SLC4A1: variants seen among roughly 807,000 people sequenced by gnomAD.
The protein encoded by SLC4A1 is band 3 anion transport protein.
Under a neutral mutation model 93.1 loss-of-function variants are expected in SLC4A1, and 29 were observed. The observed-to-expected ratio is 0.31, with a 90% CI of 0.23 to 0.42. SLC4A1 has a LOEUF of 0.42. Among genes scored for constraint, SLC4A1 ranks in the 20% least tolerant of loss-of-function variants. The probability of loss-of-function intolerance (pLI) is 1.00; values close to 1 mark genes in which losing one functional copy is unlikely to be tolerated. For synonymous variants in SLC4A1, 469 were observed against 497.2 expected (o/e 0.94, Z 0.76); for missense variants, 965 against 1,190.1 (o/e 0.81, Z 2.78).
chr17:44,254,554 A>T lies in SLC4A1; in HGVS notation c.1999T>A (p.Ser667Thr), dbSNP rs763783909. 1.1e-5 allele frequency: 18 copies of T among 1,606,660 alleles called. No homozygotes were observed. The highest frequency in any genetic ancestry group is 1.7e-5 in the Admixed American group (1 of 59,736). Residue 667 changes from serine to threonine, a missense_variant, in exon 16 of 20, where the codon TCC (serine) becomes ACC (threonine). Transcript: ENST00000262418. The stretch of plus-strand genomic sequence containing the variant: ...AAGACCAGCAGAGCAGGCAGGGCGG[A>T]GGCAAACATCATCCAGATGGGAAAC... ...SEFPIWMMFA[S>T]ALPALLVFIL...
intron 15 of SLC4A1, among the ~76,000 whole-genome samples, 166 bp downstream of exon 15, chr17:44,255,041 G>A (rs1432783960): frequency 1.3e-5 from 2 of 152,126 alleles, no homozygotes; most frequent in Non-Finnish European, 2.9e-5. Context: ...GGGGTCCTCT[G>A]GGGCTGTGAG....
In SLC4A1 at chr17:44,255,790, G is replaced by C. The variant is rs1314470670; in HGVS notation, c.1683C>G (p.Pro561=). Residue 561 remains proline, a synonymous_variant, in exon 14 of 20, where the codon CCC becomes CCG. Coordinates refer to ENST00000262418, the MANE Select transcript of SLC4A1 (RefSeq NM_000342.4). ...TGTTGGGCAGGGGGCCCTGAGGTTT[G>C]GGCACCATCAACACGTTGTAGTTAT... ...KTYNYNVLMV[P]KPQGPLPNTA... 1.9e-6 allele frequency: 3 copies of C among 1,614,124 alleles called. No homozygotes were observed. In the East Asian group the frequency reaches 6.7e-5, roughly 36 times the overall value.
Position 44,260,510 on chromosome 17 carries a change from A to C in SLC4A1, c.379T>G (p.Ser127Ala), listed in dbSNP as rs1265248505. The C allele has an allele frequency of 1.9e-6, 3 of 1,614,158 alleles. No homozygotes were observed. Among genetic ancestry groups the C allele is most frequent in the Non-Finnish European group, 2.5e-6 (3 of 1,179,998 alleles). The change falls in exon 6 of 20, where the codon TCC becomes GCC. Residue 127 changes from serine to alanine, a missense_variant. Ser to Ala is a moderately conservative substitution (Grantham distance 99). Around this residue, in one of 2 missense-constraint regions of SLC4A1, gnomAD observed 195 missense variants for 183.5 expected, o/e 1.06. Transcript: ENST00000262418. ...AGTTGGTTGGCCACTCCAGCCAGGG[A>C]GGTCTCTTGCAGGTCTAGGAGGACA... ...GTVLLDLQETSLAGVANQLLD... is the reference protein window; with the variant it reads ...GTVLLDLQETALAGVANQLLD...
intron 12 of SLC4A1, 38 bp downstream of exon 12, chr17:44,257,621 G>A (rs1313946319): frequency 3.7e-6 from 6 of 1,613,256 alleles, no homozygotes; most frequent in Admixed American, 3.3e-5. Flanking sequence ...GGTGGTGCGG[G>A]GGACATGACA....
In SLC4A1 at chr17:44,260,803, G is replaced by A; in HGVS notation, c.181C>T (p.Leu61=). The change falls in exon 5 of 20, where the codon CTG becomes TTG. Residue 61 remains leucine (L), a synonymous_variant. Transcript: ENST00000262418. ...HPGTHKVYVE[L]QELVMDEKNQ... is the part of the protein sequence containing the mutation. Reference sequence around the variant, plus strand: ...TTTTCGTCCATCACCAGCTCCTGCAGCTCCACATAGACCTGTGGCCCCATG... The same window carrying A: ...TTTTCGTCCATCACCAGCTCCTGCAACTCCACATAGACCTGTGGCCCCATG... 6.2e-7 allele frequency: 1 copy of A among 1,612,300 alleles called. No homozygotes were observed. The highest frequency in any genetic ancestry group is 8.5e-7 in the Non-Finnish European group (1 of 1,180,032).
chr17:44,255,059 T>C, intron 15 of SLC4A1, 148 bp downstream of exon 15: 3 of 693,762 alleles, frequency 4.3e-6, no homozygotes, highest in Non-Finnish European at 7.7e-6. Context: ...GAGAAGCACA[T>C]GGGACTCCCA....
In SLC4A1 at chr17:44,258,091, A is replaced by G; in HGVS notation, c.1177T>C (p.Tyr393His). Residue 393 changes from tyrosine to histidine, a missense_variant, in exon 11 of 20, where the codon TAC becomes CAC. Transcript: ENST00000262418. This position sits in a 1 kb window ranked among gnomAD's most constrained non-coding sequence, Gnocchi z 6.1. ...AATGCATCTGTGATGTCACTCAGGT[A>G]ATAGGGGTAGCGGCGCCGGATATCA... ...VRDIRRRYPY[Y>H]LSDITDAFSP... The G allele has an allele frequency of 6.2e-7, 1 of 1,614,052 alleles. No homozygotes were observed. The highest frequency in any genetic ancestry group is 8.5e-7 in the Non-Finnish European group (1 of 1,179,988).
Position 44,250,181 on chromosome 17 carries a change from TC to T in SLC4A1, c.*276del. 2.2e-6 allele frequency: 1 copy of T among 456,812 alleles called. No individual in the cohort carries two copies. The allele number at this position is 456,812 out of a possible 1,614,324, so 28.3% of individuals were successfully genotyped here. On this transcript the variant is annotated 3_prime_UTR_variant, in exon 20 of 20. Coordinates refer to ENST00000262418, the MANE Select transcript of SLC4A1 (RefSeq NM_000342.4). Reference sequence around the variant, plus strand: ...AGAGGGAGGGCTCAGATCTAAGTCTTCCAGCACGGGATCCCCAGTGAAAGTG... The same window carrying T: ...AGAGGGAGGGCTCAGATCTAAGTCTTCAGCACGGGATCCCCAGTGAAAGTG...
intron 17 of SLC4A1, among the ~76,000 whole-genome samples, chr17:44,252,141 C>T (rs779264879): frequency 7.3e-5 from 11 of 149,880 alleles, no homozygotes; most frequent in African/African-American, 9.9e-5. Context: ...CTTCAACCTC[C>T]GCCTCCTGGG....
At position 44,258,893 on chromosome 17, in the gene SLC4A1, C is replaced by T. The variant is rs577406123; in HGVS notation, c.876+270G>A. 8.5e-5 allele frequency among the ~76,000 whole-genome samples: 13 copies of T among 152,188 alleles called. 1 individual carries two copies. Among genetic ancestry groups the T allele is most frequent in the South Asian group, 2.1e-4 (1 of 4,816 alleles). ...AGATGAAACTAGAGCTGACTAGGCC[C>T]GACCAAGCCTGACCTGACCAGGTGG... is the stretch of plus-strand genomic sequence containing the variant. On this transcript the variant is annotated intron_variant, in intron 9 of 19. Transcript: ENST00000262418. This position sits in a 1 kb window ranked among gnomAD's most constrained non-coding sequence, Gnocchi z 6.1.
Position 44,259,357 on chromosome 17 carries a change from G to GAGAA in SLC4A1, c.695-17_695-14dup, listed in dbSNP as rs2047420656. 6.2e-7 allele frequency: 1 copy of GAGAA among 1,613,234 alleles called. No homozygotes were observed. The highest frequency in any genetic ancestry group is 2.2e-5 in the East Asian group (1 of 44,868). On this transcript the variant is annotated splice_polypyrimidine_tract_variant and intron_variant, in intron 8 of 19. Transcript: ENST00000262418. ...AAGTCGGCGCGGCCTGTTAGGGGAT[G>GAGAA]AGAAGATCAGGCCAGGCCGAGGAGC... is the stretch of plus-strand genomic sequence containing the variant.
chr17:44,256,928 C>T (rs1278171094), intron 13 of SLC4A1, among the ~76,000 whole-genome samples: 1 of 151,988 alleles, frequency 6.6e-6, no homozygotes, highest in African/African-American at 2.4e-5. Flanking sequence ...TGGTTATGTA[C>T]ACAGGTGAAA....
intron 1 of SLC4A1, among the ~76,000 whole-genome samples, chr17:44,264,470 C>G (rs946579861): frequency 6.6e-6 from 1 of 152,014 alleles, no homozygotes; most frequent in Non-Finnish European, 1.5e-5. Context: ...GAAAACAAAA[C>G]AAAACAAAAA....
At chr17:44,251,382 C>A (rs2047337898) in intron 18 of SLC4A1, 37 bp downstream of exon 18, 1 of 1,614,228 alleles carries the variant, frequency 6.2e-7, no homozygotes, top group East Asian at 2.2e-5. Flanking sequence ...GCACCCTCTA[C>A]CACCCCAGGC....
chr17:44,255,898 G>A, intron 13 of SLC4A1, 52 bp from the exon 14 acceptor site: 1 of 1,565,154 alleles, frequency 6.4e-7, no homozygotes. Flanking sequence ...GGCTTGGGCT[G>A]GAAAATACCA....
At chr17:44,264,989 T>G (rs1598304681) in intron 1 of SLC4A1, among the ~76,000 whole-genome samples, 2 of 115,424 alleles carry the variant, frequency 1.7e-5, no homozygotes, top group Admixed American at 9.5e-5. Context: ...GGGGAGGGGG[T>G]GCCGAGCACT....
intron 1 of SLC4A1, among the ~76,000 whole-genome samples, chr17:44,263,327 AG>A (rs1373280002): frequency 6.6e-6 from 1 of 152,050 alleles, no homozygotes; most frequent in African/African-American, 2.4e-5. Flanking sequence ...AGCTCCCCTG[AG>A]GGGCTCTAAA....
At chr17:44,255,334 T>C in intron 14 of SLC4A1, 38 bp from the exon 15 acceptor site, 1 of 1,474,968 alleles carries the variant, frequency 6.8e-7, no homozygotes, top group Non-Finnish European at 9.3e-7. Flanking sequence ...CAGTGCCCAG[T>C]CACTCCCCAC....
chr17:44,258,607 G>A lies in SLC4A1; in HGVS notation c.893C>T (p.Ala298Val). ...LMSERVFRID[A>V]YMAQSRGELL... Reference sequence around the variant, plus strand: ...CTCCCCTCGGCTCTGAGCCATGTAGGCATCTATGCGGAACACCTAGGGGCA... The same window carrying A: ...CTCCCCTCGGCTCTGAGCCATGTAGACATCTATGCGGAACACCTAGGGGCA... The change falls in exon 10 of 20, where the codon GCC becomes GTC. Residue 298 changes from alanine (A) to valine (V), a missense_variant. By Grantham distance (64) the Ala-to-Val change is moderately conservative (BLOSUM62 0). This residue lies in a region of SLC4A1 where 770 missense variants were observed against 1,006.6 expected (regional missense o/e 0.76). Transcript: ENST00000262418. The surrounding 1 kb of genome is among the most constrained non-coding windows in gnomAD (Gnocchi z 6.1). 1 of 1,602,832 alleles carries A rather than the reference G, an allele frequency of 6.2e-7. No individual in the cohort carries two copies. The highest frequency in any genetic ancestry group is 1.1e-5 in the South Asian group (1 of 89,988).
Sources: allele counts gnomAD v4.1 joint callset (sites outside exome capture counted in the v4.1 genomes callset), GRCh38; gene constraint gnomAD v4.1.1; regional missense constraint gnomAD v4.1.1; non-coding constraint Gnocchi (gnomAD v3.1); transcripts MANE v1.5; gene names NCBI Gene and HGNC (gene_info 2026-07-23, HGNC 2026-07-21).